The following HSD17B12 variants were observed in gnomAD, a reference collection of about 807,000 sequenced individuals.
HSD17B12 encodes very-long-chain 3-oxoacyl-CoA reductase.
A neutral mutation model predicts 39.3 loss-of-function variants in HSD17B12; 32 were observed. That is an observed-to-expected ratio of 0.81 (90% CI 0.61 to 1.09). HSD17B12 has a LOEUF of 1.09. Ranked by LOEUF, HSD17B12 falls within the 50% of genes least tolerant of loss-of-function variation. The pLI is 0.00. For synonymous variants in HSD17B12, 150 were observed against 146.7 expected, an observed-to-expected ratio of 1.02 and a Z score of -0.16; for missense variants, 342 against 382.9, an observed-to-expected ratio of 0.89 and a Z score of 0.89.
chr11:43,774,398 A>T (rs1950679039), intron 3 of HSD17B12, among the ~76,000 whole-genome samples: 1 of 152,030 alleles, frequency 6.6e-6, no homozygotes, highest in Non-Finnish European at 1.5e-5. Flanking sequence ...TGTTTTTAGT[A>T]GAGGCAGGGT....
the HSD17B12 span, among the ~76,000 whole-genome samples, chr11:43,571,417 CCT>C: frequency 6.6e-6 from 1 of 152,144 alleles, no homozygotes; most frequent in Non-Finnish European, 1.5e-5. Context: ...CTTTAGCTCC[CCT>C]GTCTTTGCTG....
chr11:43,826,691 G>T (rs1951244910), intron 6 of HSD17B12, among the ~76,000 whole-genome samples: 1 of 152,102 alleles, frequency 6.6e-6, no homozygotes, highest in Non-Finnish European at 1.5e-5. Flanking sequence ...TAGAAACTTT[G>T]TCTAATTAAG....
At chr11:43,810,390 TATATATATATATAA>T (rs200070154) in intron 4 of HSD17B12, among the ~76,000 whole-genome samples, 6,891 of 95,034 alleles carry the variant, frequency 0.073, 240 homozygotes, top group African/African-American at 0.089. Context: ...TATATATATA[TATATATATATATAA>T]AATTCAGAAT....
intron 2 of HSD17B12, 77 bp downstream of exon 2, chr11:43,751,034 G>A (rs1950460696): frequency 1.0e-6 from 1 of 968,954 alleles, no homozygotes; most frequent in African/African-American, 1.7e-5. Flanking sequence ...TAGTAGTTTT[G>A]ATTTTTGAAG....
chr11:43,729,980 G>C (rs1341925769), intron 1 of HSD17B12, among the ~76,000 whole-genome samples: 2 of 151,152 alleles, frequency 1.3e-5, no homozygotes, highest in Non-Finnish European at 2.9e-5. Context: ...GCTAGCTGTA[G>C]GTTTATTGTT....
At chr11:43,776,370 T>C (rs989203183) in intron 3 of HSD17B12, among the ~76,000 whole-genome samples, 1 of 152,014 alleles carries the variant, frequency 6.6e-6, no homozygotes, top group Non-Finnish European at 1.5e-5. Flanking sequence ...GGTGAGCATT[T>C]TTTCATGTGT....
chr11:43,685,753 G>A (rs1197722356), intron 1 of HSD17B12, among the ~76,000 whole-genome samples: 2 of 152,092 alleles, frequency 1.3e-5, no homozygotes, highest in Non-Finnish European at 2.9e-5. Flanking sequence ...TGAGTACTCG[G>A]GAGTAGATTT....
At position 43,815,483 on chromosome 11, in the gene HSD17B12, T is replaced by A; in HGVS notation, c.438T>A (p.Asp146Glu). The change falls in exon 5 of 11, where the codon GAT (aspartate) becomes GAA (glutamate). Residue 146 changes from aspartate to glutamate, a missense_variant. Asp to Glu is a conservative substitution (Grantham distance 45). Coordinates refer to ENST00000278353, the MANE Select transcript of HSD17B12 (RefSeq NM_016142.3). ...ATGAGTATCCTGAATACTTTTTGGA[T>A]GTTCCTGACTTGGACAATGTAAGTC... is the stretch of plus-strand genomic sequence containing the variant. ...MSYEYPEYFLDVPDLDNVIKK... is the reference protein window; with the variant it reads ...MSYEYPEYFLEVPDLDNVIKK... The A allele has an allele frequency of 6.3e-6, 10 of 1,577,790 alleles. No homozygotes were observed. Among genetic ancestry groups the A allele is most frequent in the Non-Finnish European group, 8.7e-6 (10 of 1,154,704 alleles).
upstream of HSD17B12, among the ~76,000 whole-genome samples, chr11:43,679,814 G>A (rs1590651928): frequency 6.6e-6 from 1 of 152,072 alleles, no homozygotes; most frequent in Non-Finnish European, 1.5e-5. Context: ...GGAACTAAGT[G>A]ATGTTTAGTG....
the HSD17B12 span, among the ~76,000 whole-genome samples, chr11:43,605,135 C>T: frequency 1.3e-5 from 2 of 152,096 alleles, no homozygotes; most frequent in South Asian, 2.1e-4. Flanking sequence ...GATAATTCCC[C>T]GGGATTTCTG....
At chr11:43,613,989 T>C in the HSD17B12 span, among the ~76,000 whole-genome samples, 1 of 152,192 alleles carries the variant, frequency 6.6e-6, no homozygotes, top group Admixed American at 6.6e-5. Flanking sequence ...TTTATGTGAT[T>C]CCATTTACCT....
the HSD17B12 span, among the ~76,000 whole-genome samples, chr11:43,623,965 G>A: frequency 6.6e-6 from 1 of 151,834 alleles, no homozygotes; most frequent in Non-Finnish European, 1.5e-5. Context: ...TTTCAAAAAC[G>A]ATAGTCCTTC....
chr11:43,639,889 C>G, the HSD17B12 span, among the ~76,000 whole-genome samples: 240 of 152,214 alleles, frequency 1.6e-3, no homozygotes, highest in African/African-American at 4.2e-3. Context: ...GCTGTGCTCT[C>G]CAACTTTATT....
At chr11:43,718,588 A>C in intron 1 of HSD17B12, 1 of 547,590 alleles carries the variant, frequency 1.8e-6, no homozygotes, top group African/African-American at 1.9e-5. Flanking sequence ...GCACTGTTCC[A>C]TAGCAATTTT....
At chr11:43,638,713 T>G in the HSD17B12 span, among the ~76,000 whole-genome samples, 1 of 152,174 alleles carries the variant, frequency 6.6e-6, no homozygotes, top group Non-Finnish European at 1.5e-5. Context: ...TCGTGGTGTT[T>G]TAAATAATTA....
intron 1 of HSD17B12, among the ~76,000 whole-genome samples, chr11:43,714,314 AG>A (rs1195826346): frequency 6.6e-6 from 1 of 152,238 alleles, no homozygotes; most frequent in East Asian, 1.9e-4. Context: ...GATGTAAGGA[AG>A]GGATCCAGTT....
intron 1 of HSD17B12, among the ~76,000 whole-genome samples, chr11:43,741,038 G>T (rs539449901): frequency 1.5e-4 from 23 of 152,248 alleles, no homozygotes; most frequent in African/African-American, 5.3e-4. Flanking sequence ...CAAAAAACAA[G>T]CAGTACTTCT....
chr11:43,699,288 A>C (rs1949940959), intron 1 of HSD17B12, among the ~76,000 whole-genome samples: 1 of 152,104 alleles, frequency 6.6e-6, no homozygotes, highest in Non-Finnish European at 1.5e-5. Context: ...AGATATTTAG[A>C]GTTCTTTTTC....
intron 1 of HSD17B12, among the ~76,000 whole-genome samples, chr11:43,689,806 C>T (rs1056401977): frequency 3.9e-5 from 6 of 152,156 alleles, no homozygotes; most frequent in African/African-American, 1.4e-4. Context: ...GCCTCAGCCT[C>T]CCAAAGTGCT....
Sources: gnomAD v4.1 joint callset for allele counts (sites outside exome capture counted in the v4.1 genomes callset) on GRCh38, gnomAD v4.1.1 for gene constraint, MANE v1.5 for transcripts, NCBI Gene and HGNC (gene_info 2026-07-23, HGNC 2026-07-21) for gene names.